Variants in SMAD1 observed in about 807,000 individuals in gnomAD.
SMAD1 encodes SMAD family member 1.
SMAD1 carries 6 observed loss-of-function variants against 41.6 expected under a neutral mutation model. The observed-to-expected ratio is 0.14, with a 90% CI of 0.08 to 0.28. The LOEUF (loss-of-function observed/expected upper bound fraction) is 0.28, where lower values mean the gene tolerates loss of function less well. Ranked by LOEUF, SMAD1 falls within the 10% of genes least tolerant of loss-of-function variation. The pLI is 1.00. For synonymous variants in SMAD1, 206 were observed against 203.2 expected (o/e 1.01, Z -0.12); for missense variants, 379 against 582.6 (o/e 0.65, Z 3.60).
At position 145,514,738 on chromosome 4, in the gene SMAD1, A is replaced by G. The variant is rs1306391615; in HGVS notation, c.125A>G (p.Lys42Arg). The change falls in exon 2 of 7, where the codon AAG becomes AGG. Residue 42 changes from lysine to arginine, a missense_variant. By Grantham distance (26) the Lys-to-Arg change is conservative. Around this residue, in one of 3 missense-constraint regions of SMAD1, gnomAD observed 64 missense variants for 153.9 expected, o/e 0.42. Coordinates refer to ENST00000302085, the MANE Select transcript of SMAD1 (RefSeq NM_005900.3). The surrounding 1 kb of genome is among the most constrained non-coding windows in gnomAD (Gnocchi z 4.7). ...GTTGATGCTTTGGTGAAAAAACTGAAGAAAAAGAAAGGTGCCATGGAGGAA... is the reference window on the plus strand; with the variant it reads ...GTTGATGCTTTGGTGAAAAAACTGAGGAAAAAGAAAGGTGCCATGGAGGAA... ...KAVDALVKKL[K>R]KKKGAMEELE... 1.2e-6 allele frequency: 2 copies of G among 1,614,162 alleles called. No individual in the cohort carries two copies. Among genetic ancestry groups the G allele is most frequent in the East Asian group, 4.5e-5 (2 of 44,880 alleles).
chr4:145,509,249 T>C (rs1211033348), intron 1 of SMAD1, among the ~76,000 whole-genome samples: 1 of 152,222 alleles, frequency 6.6e-6, no homozygotes, highest in Non-Finnish European at 1.5e-5. Flanking sequence ...GTTAGTTGTT[T>C]ACACACTGGC....
chr4:145,554,158 G>A, intron 6 of SMAD1, 118 bp downstream of exon 6: 1 of 940,808 alleles, frequency 1.1e-6, no homozygotes, highest in Non-Finnish European at 1.6e-6. Context: ...CATATTAGCT[G>A]ACTTATTATC....
intron 1 of SMAD1, among the ~76,000 whole-genome samples, chr4:145,485,579 C>G (rs1728442963): frequency 6.6e-6 from 1 of 152,114 alleles, no homozygotes; most frequent in Admixed American, 6.5e-5. Flanking sequence ...GTTAACTCTA[C>G]TAATGATTTG....
At chr4:145,546,967 G>GTCCC (rs1560762224) in intron 5 of SMAD1, 43 bp downstream of exon 5, 1 of 1,458,576 alleles carries the variant, frequency 6.9e-7, no homozygotes, top group Non-Finnish European at 9.6e-7. Context: ...TATCTGTTGT[G>GTCCC]TCCCTGTTCC....
chr4:145,529,340 C>T (rs1426211236), intron 2 of SMAD1, among the ~76,000 whole-genome samples: 3 of 151,890 alleles, frequency 2.0e-5, no homozygotes, highest in Non-Finnish European at 4.4e-5. Context: ...CAGATAAATA[C>T]TTGGCAAAAG....
chr4:145,486,035 T>C (rs112121832), intron 1 of SMAD1, among the ~76,000 whole-genome samples: 233 of 152,196 alleles, frequency 1.5e-3, no homozygotes, highest in Non-Finnish European at 2.3e-3. Context: ...TGTTTTTTGG[T>C]CTTTCGTTCA....
intron 1 of SMAD1, among the ~76,000 whole-genome samples, chr4:145,508,065 A>C (rs996384352): frequency 3.6e-4 from 52 of 146,224 alleles, no homozygotes; most frequent in African/African-American, 1.3e-3. Context: ...TAATGTTTGG[A>C]TGCCCTTGGT....
rs762001856 is a variant in SMAD1, at chr4:145,546,785, G to A, written c.858G>A (p.Ala286=). 31 of 1,613,932 alleles carry A rather than the reference G, an allele frequency of 1.9e-5. No homozygotes were observed. Among genetic ancestry groups the A allele is most frequent in the Middle Eastern group, 1.6e-4 (1 of 6,080 alleles). ...AGCTCAACAATCGTGTGGGTGAAGCGTTCCATGCCTCCTCCACAAGTGTGT... is the reference window on the plus strand; with the variant it reads ...AGCTCAACAATCGTGTGGGTGAAGCATTCCATGCCTCCTCCACAAGTGTGT... ...YYELNNRVGE[A]FHASSTSVLV... Residue 286 remains alanine (A), a synonymous_variant, in exon 5 of 7, where the codon GCG becomes GCA. Coordinates refer to ENST00000302085, the MANE Select transcript of SMAD1 (RefSeq NM_005900.3).
intron 1 of SMAD1, among the ~76,000 whole-genome samples, chr4:145,495,973 G>T (rs572526352): frequency 1.3e-5 from 2 of 151,952 alleles, no homozygotes; most frequent in South Asian, 4.2e-4. Context: ...CATGAGAAAA[G>T]GATTATTAAG....
intron 1 of SMAD1, among the ~76,000 whole-genome samples, chr4:145,496,115 T>A (rs1233544620): frequency 6.6e-6 from 1 of 151,942 alleles, no homozygotes; most frequent in Non-Finnish European, 1.5e-5. Flanking sequence ...GATAAAACTC[T>A]TGTTTTTTTT....
chr4:145,554,622 A>C (rs1032875826), intron 6 of SMAD1, among the ~76,000 whole-genome samples: 1 of 152,182 alleles, frequency 6.6e-6, no homozygotes, highest in Admixed American at 6.5e-5. Flanking sequence ...CAAAGATTGC[A>C]TTGTAAGGTT....
At chr4:145,526,005 C>T (rs1030088072) in intron 2 of SMAD1, among the ~76,000 whole-genome samples, 1 of 152,198 alleles carries the variant, frequency 6.6e-6, no homozygotes. Context: ...TATATCACTA[C>T]CCTGGTTCTA....
rs1728270015 is a variant in SMAD1 at position 145,482,852 on chromosome 4, C to T, written c.-177+814C>T. 6.6e-6 allele frequency: 1 copy of T among 152,188 alleles called. No homozygotes were observed. The highest frequency in any genetic ancestry group is 1.5e-5 in the Non-Finnish European group (1 of 68,044). 9.4% of individuals were successfully genotyped at this position (152,188 alleles called of 1,614,324 possible). On this transcript the variant is annotated intron_variant, in intron 1 of 6. Coordinates refer to ENST00000302085, the MANE Select transcript of SMAD1 (RefSeq NM_005900.3). The surrounding 1 kb of genome is among the most constrained non-coding windows in gnomAD (Gnocchi z 4.2). ...TCGCGGTTGAACAACTGTTCCTTTA[C>T]TCTGCTCCCTGTCTTTGTTAGTGTT... is the stretch of plus-strand genomic sequence containing the variant.
chr4:145,555,276 A>G (rs992347053), intron 6 of SMAD1, among the ~76,000 whole-genome samples: 1 of 152,236 alleles, frequency 6.6e-6, no homozygotes, highest in African/African-American at 2.4e-5. Flanking sequence ...TTGACTTAGC[A>G]TTTGGCTCAA....
chr4:145,545,567 T>TGTGA (rs1732206356), intron 4 of SMAD1: 1 of 151,122 alleles, frequency 6.6e-6, no homozygotes, highest in South Asian at 2.1e-4. Flanking sequence ...TTTGTGTGTG[T>TGTGA]GTGTGTGTGT....
chr4:145,530,279 A>C (rs1254220973), intron 2 of SMAD1, among the ~76,000 whole-genome samples: 1 of 152,154 alleles, frequency 6.6e-6, no homozygotes, highest in East Asian at 1.9e-4. Flanking sequence ...GCACCATGGG[A>C]GTGCTGTTAG....
intron 5 of SMAD1, 50 bp downstream of exon 5, chr4:145,546,974 T>C: frequency 1.4e-6 from 2 of 1,397,916 alleles, no homozygotes; most frequent in Non-Finnish European, 2.0e-6. Context: ...TGTGTCCCTG[T>C]TCCTCCAGAG....
chr4:145,480,928 T>G (rs1469256059), upstream of SMAD1, among the ~76,000 whole-genome samples: 1 of 151,010 alleles, frequency 6.6e-6, no homozygotes, highest in Non-Finnish European at 1.5e-5. Context: ...TTTTTTTTTT[T>G]TTTTTTTTGC....
At chr4:145,509,141 T>G (rs7694604) in intron 1 of SMAD1, among the ~76,000 whole-genome samples, 30,130 of 152,172 alleles carry the variant, frequency 0.2, 6,977 homozygotes, top group African/African-American at 0.56. Flanking sequence ...TATAATCGTA[T>G]TATTTCTTCT....
Sources: gnomAD v4.1 joint callset for allele counts (sites outside exome capture counted in the v4.1 genomes callset) on GRCh38, gnomAD v4.1.1 for gene constraint, gnomAD v4.1.1 regional missense constraint, Gnocchi (gnomAD v3.1) non-coding constraint, MANE v1.5 for transcripts, NCBI Gene and HGNC (gene_info 2026-07-23, HGNC 2026-07-21) for gene names.